The following SMARCA4 variants were observed in gnomAD, a reference collection of about 807,000 sequenced individuals.
SMARCA4 encodes SWI/SNF related BAF chromatin remodeling complex subunit ATPase 4, also known as SWI/SNF-related matrix-associated actin-dependent regulator of chromatin subfamily A member 4.
A neutral mutation model predicts 193.9 loss-of-function variants in SMARCA4; 31 were observed. That is an observed-to-expected ratio of 0.16 (90% CI 0.12 to 0.22). The LOEUF is 0.22. SMARCA4 is among the 10% of genes least tolerant of loss of function. The pLI, the probability that SMARCA4 is intolerant of heterozygous loss-of-function variation, is 1.00. For missense variants in SMARCA4, 1,148 were observed against 2,296.0 expected (o/e 0.50, Z 10.22); for synonymous variants, 942 against 933.1 (o/e 1.01, Z -0.17).
At chr19:10,982,616 C>T (rs991019772) in intron 1 of SMARCA4, among the ~76,000 whole-genome samples, 4 of 151,760 alleles carry the variant, frequency 2.6e-5, no homozygotes, top group Non-Finnish European at 4.4e-5. Flanking sequence ...TCTCCTGGCT[C>T]AGCCTCCCCA....
chr19:11,006,344 C>G (rs1269391929), intron 13 of SMARCA4, among the ~76,000 whole-genome samples: 3 of 152,220 alleles, frequency 2.0e-5, no homozygotes, highest in African/African-American at 7.2e-5. Context: ...AGATAACTTG[C>G]AGTAAACTGA....
chr19:10,993,985 G>A (rs1026884531), intron 8 of SMARCA4, among the ~76,000 whole-genome samples: 1 of 152,088 alleles, frequency 6.6e-6, no homozygotes, highest in Non-Finnish European at 1.5e-5. Context: ...CCCAACCGCG[G>A]CAGGCAAAGG....
chr19:10,961,351 G>C (rs949694881), intron 1 of SMARCA4, 177 bp downstream of exon 1: 78 of 150,326 alleles, frequency 5.2e-4, no homozygotes, highest in African/African-American at 1.9e-3. Flanking sequence ...GAAGGCCACA[G>C]TGTCGCGAGG....
chr19:10,994,468 C>T (rs576400542), intron 8 of SMARCA4, among the ~76,000 whole-genome samples: 151 of 151,710 alleles, frequency 1.0e-3, no homozygotes, highest in African/African-American at 3.5e-3. Flanking sequence ...GGACTACAGG[C>T]GGCCCCTCAC....
chr19:10,963,575 C>A (rs1343751579), intron 1 of SMARCA4, among the ~76,000 whole-genome samples: 1 of 151,980 alleles, frequency 6.6e-6, no homozygotes, highest in African/African-American at 2.4e-5. Flanking sequence ...TGGAATCAGA[C>A]CTCCTGAATT....
At chr19:10,989,032 C>G (rs1323983605) in intron 6 of SMARCA4, among the ~76,000 whole-genome samples, 1 of 152,234 alleles carries the variant, frequency 6.6e-6, no homozygotes, top group Non-Finnish European at 1.5e-5. Flanking sequence ...TGCATGAAAA[C>G]CTTGGCCCGC....
intron 15 of SMARCA4, chr19:11,011,055 G>A: frequency 4.5e-6 from 1 of 222,116 alleles, no homozygotes; most frequent in Non-Finnish European, 9.2e-6. Flanking sequence ...TGAAAAGTTG[G>A]TGGCTCTGAA....
At chr19:10,962,205 G>C (rs1212087348) in intron 1 of SMARCA4, among the ~76,000 whole-genome samples, 1 of 152,138 alleles carries the variant, frequency 6.6e-6, no homozygotes, top group African/African-American at 2.4e-5. Flanking sequence ...TTTGTGAAAG[G>C]GGGTAATCTC....
Position 11,030,845 on chromosome 19 carries a change from G to A in SMARCA4, c.3498G>A (p.Gln1166=), listed in dbSNP as rs779897937. ...CTGGGGGGCTCGGCCTGAACCTCCA[G>A]TCGGCAGACACTGTGATCATTTTTG... ...TRAGGLGLNL[Q]SADTVIIFDS... is the part of the protein sequence containing the mutation. The change falls in exon 25 of 35, where the codon CAG becomes CAA. Residue 1166 remains glutamine, a synonymous_variant. Transcript: ENST00000344626. The surrounding 1 kb of genome is among the most constrained non-coding windows in gnomAD (Gnocchi z 5.5). 1.2e-6 allele frequency: 2 copies of A among 1,609,664 alleles called. No homozygotes were observed. Among genetic ancestry groups the A allele is most frequent in the Non-Finnish European group, 1.7e-6 (2 of 1,178,384 alleles).
At chr19:10,988,341 T>C (rs1165942631) in intron 6 of SMARCA4, among the ~76,000 whole-genome samples, 1 of 152,160 alleles carries the variant, frequency 6.6e-6, no homozygotes, top group East Asian at 1.9e-4. Flanking sequence ...CAGGCTGGTC[T>C]CGAGCTCCTG....
At chr19:10,983,719 C>T (rs2085759057) in intron 1 of SMARCA4, 2 of 217,568 alleles carry the variant, frequency 9.2e-6, no homozygotes, top group South Asian at 1.5e-4. Flanking sequence ...CAGGTGTGAG[C>T]CACTGCACCC....
At chr19:10,965,442 A>G (rs753624934) in intron 1 of SMARCA4, 1 of 152,268 alleles carries the variant, frequency 6.6e-6, no homozygotes, top group Non-Finnish European at 1.5e-5. Context: ...GTGGGATGAC[A>G]CAGATAATAT....
intron 34 of SMARCA4, 143 bp downstream of exon 34, chr19:11,060,330 C>T: frequency 1.9e-6 from 2 of 1,045,770 alleles, no homozygotes; most frequent in South Asian, 1.4e-5. Context: ...CATGGCTGAC[C>T]CCAGGTCACA....
intron 22 of SMARCA4, 45 bp downstream of exon 22, chr19:11,025,553 G>A (rs1200609823): frequency 7.2e-7 from 1 of 1,396,936 alleles, no homozygotes; most frequent in East Asian, 2.3e-5. Context: ...GCTGTCTGCT[G>A]AGCTCCTAGG....
In SMARCA4 at chr19:11,041,169, C is replaced by A; in HGVS notation, c.4171-138C>A. The stretch of plus-strand genomic sequence containing the variant: ...TGAGAGTCCCAGTGTGTGTTATGCC[C>A]CGAGCCAGTCAAGCTGAAGGGAGAG... On this transcript the variant is annotated intron_variant, in intron 29 of 34. Transcript: ENST00000344626. This position sits in a 1 kb window ranked among gnomAD's most constrained non-coding sequence, Gnocchi z 5.6. 1.1e-6 allele frequency: 1 copy of A among 906,134 alleles called. No individual in the cohort carries two copies. Among genetic ancestry groups the A allele is most frequent in the Non-Finnish European group, 1.7e-6 (1 of 589,284 alleles). 56.1% of individuals were successfully genotyped at this position (906,134 alleles called of 1,614,324 possible). A position where few individuals can be genotyped will look rare whatever the true frequency, so the allele number is the denominator to read the frequency against.
chr19:10,974,196 G>A (rs1238269652), intron 1 of SMARCA4, among the ~76,000 whole-genome samples: 1 of 152,132 alleles, frequency 6.6e-6, no homozygotes, highest in East Asian at 1.9e-4. Flanking sequence ...CCTGCCTGGG[G>A]CTGGTCACCG....
rs2146596414 is a variant in SMARCA4, at chr19:11,030,711, TCTC to T, written c.3383-15_3383-13del. On this transcript the variant is annotated splice_polypyrimidine_tract_variant and intron_variant, in intron 24 of 34. Transcript: ENST00000344626. The surrounding 1 kb of genome is among the most constrained non-coding windows in gnomAD (Gnocchi z 5.5). ...CCTGAGGTCACCCCGCTGACCCTGTTCTCCTCTGTGCCCGTCAGGAACCACGAA... is the reference window on the plus strand; with the variant it reads ...CCTGAGGTCACCCCGCTGACCCTGTTCTCTGTGCCCGTCAGGAACCACGAA... 3.1e-6 allele frequency: 5 copies of T among 1,608,514 alleles called. No individual in the cohort carries two copies. The highest frequency in any genetic ancestry group is 1.1e-5 in the South Asian group (1 of 90,018).
intron 1 of SMARCA4, among the ~76,000 whole-genome samples, chr19:10,981,020 G>T (rs889385907): frequency 4.7e-4 from 72 of 152,316 alleles, no homozygotes; most frequent in African/African-American, 1.7e-3. Flanking sequence ...CCAAAGTGCT[G>T]GGATTACAGG....
intron 6 of SMARCA4, 145 bp downstream of exon 6, chr19:10,988,069 C>G: frequency 1.3e-6 from 1 of 747,978 alleles, no homozygotes; most frequent in Non-Finnish European, 2.2e-6. Context: ...TCCTCACCTC[C>G]CTGCTCCCAC....
Sources: allele counts gnomAD v4.1 joint callset (sites outside exome capture counted in the v4.1 genomes callset), GRCh38; gene constraint gnomAD v4.1.1; non-coding constraint Gnocchi (gnomAD v3.1); transcripts MANE v1.5; gene names NCBI Gene and HGNC (gene_info 2026-07-23, HGNC 2026-07-21).